ATG4B: variants seen among roughly 807,000 people sequenced by gnomAD.
ATG4B encodes the protein autophagy related 4B cysteine peptidase, also known as cysteine protease ATG4B.
Under a neutral mutation model 56.6 loss-of-function variants are expected in ATG4B, and 29 were observed. The ratio of observed to expected loss-of-function variants is 0.51; its 90% CI spans 0.38 to 0.70. The LOEUF is 0.70. Among genes scored for constraint, ATG4B ranks in the 30% least tolerant of loss-of-function variants. The probability of loss-of-function intolerance (pLI) is 0.00; values close to 1 mark genes in which losing one functional copy is unlikely to be tolerated. For missense variants in ATG4B, 461 were observed against 515.5 expected (o/e 0.89, Z 1.02); for synonymous variants, 224 against 206.1 (o/e 1.09, Z -0.74).
At chr2:241,667,220 G>C (rs1031653130) in intron 8 of ATG4B, among the ~76,000 whole-genome samples, 1 of 152,142 alleles carries the variant, frequency 6.6e-6, no homozygotes, top group Non-Finnish European at 1.5e-5. Context: ...TTCGGAGGGT[G>C]GGTTGGCCTG....
chr2:241,663,109 C>T (rs534113896), intron 7 of ATG4B, among the ~76,000 whole-genome samples: 115 of 152,262 alleles, frequency 7.6e-4, no homozygotes, highest in African/African-American at 2.2e-3. Flanking sequence ...GGCACGCCCT[C>T]GTAATCCCAG....
intron 1 of ATG4B, among the ~76,000 whole-genome samples, chr2:241,640,443 G>A (rs886930503): frequency 6.6e-6 from 1 of 152,186 alleles, no homozygotes; most frequent in Admixed American, 6.5e-5. Context: ...CCTTGACCAT[G>A]TGTAATACAG....
Position 241,668,720 on chromosome 2 carries a change from G to T in ATG4B, c.957+35G>T. 6.5e-7 allele frequency: 1 copy of T among 1,545,106 alleles called. No homozygotes were observed. Among genetic ancestry groups the T allele is most frequent in the Non-Finnish European group, 8.7e-7 (1 of 1,149,674 alleles). ...GGCCACCTGAGCACACAGGCATTTG[G>T]TGCTGAATGCTGTTTGGGAATGACG... On this transcript the variant is annotated intron_variant, in intron 10 of 12. Transcript: ENST00000404914. The surrounding 1 kb of genome is among the most constrained non-coding windows in gnomAD (Gnocchi z 4.2).
chr2:241,660,828 G>A (rs2068568193), intron 7 of ATG4B, among the ~76,000 whole-genome samples: 1 of 152,158 alleles, frequency 6.6e-6, no homozygotes, highest in South Asian at 2.1e-4. Context: ...CCGTGTTTGG[G>A]GAAATCACTT....
Position 241,654,568 on chromosome 2 carries a change from G to C in ATG4B, c.306G>C (p.Lys102Asn). 1 of 1,599,248 alleles carries C rather than the reference G, an allele frequency of 6.3e-7. No individual in the cohort carries two copies. Among genetic ancestry groups the C allele is most frequent in the Non-Finnish European group, 8.5e-7 (1 of 1,172,918 alleles). Residue 102 changes from lysine to asparagine, a missense_variant, in exon 5 of 13, where the codon AAG becomes AAC. Lys to Asn is a moderately conservative substitution (Grantham distance 94). Transcript: ENST00000404914. The part of the protein sequence containing the change: ...LGRDWRWTQR[K>N]RQPDSYFSVL... ...TAGATTGGAGGTGGACACAAAGGAA[G>C]AGGCAGCCAGACAGCTACTTCAGCG...
intron 1 of ATG4B, 167 bp downstream of exon 1, chr2:241,637,891 G>C: frequency 1.8e-6 from 1 of 550,932 alleles, no homozygotes; most frequent in Non-Finnish European, 2.7e-6. Context: ...TTGGTGGGTG[G>C]TGGGCGGTGG....
chr2:241,671,625 G>T, intron 12 of ATG4B: 1 of 1,482,754 alleles, frequency 6.7e-7, no homozygotes, highest in Non-Finnish European at 9.0e-7. Context: ...CCCCACCAGC[G>T]CTGCCTGCCC....
chr2:241,665,640 C>T (rs553232940), intron 7 of ATG4B, among the ~76,000 whole-genome samples: 22 of 152,290 alleles, frequency 1.4e-4, no homozygotes, highest in African/African-American at 3.6e-4. Context: ...CTCTCCCATC[C>T]GGGGCCTGCA....
At chr2:241,652,877 G>C (rs1416020765) in intron 3 of ATG4B, among the ~76,000 whole-genome samples, 4 of 152,238 alleles carry the variant, frequency 2.6e-5, no homozygotes, top group African/African-American at 4.8e-5. Flanking sequence ...TCTCACCCTG[G>C]TGTGCAGCCA....
chr2:241,649,784 C>CTTTTTT (rs111624909), intron 1 of ATG4B, among the ~76,000 whole-genome samples: 41 of 137,484 alleles, frequency 3.0e-4, no homozygotes, highest in Non-Finnish European at 4.6e-4. Context: ...TTTTCTTTTT[C>CTTTTTT]TTTTTTTTTT....
Position 241,651,981 on chromosome 2 carries a change from G to T in ATG4B, c.184+646G>T. 1 of 1,303,830 alleles carries T rather than the reference G, an allele frequency of 7.7e-7. No individual in the cohort carries two copies. Among genetic ancestry groups the T allele is most frequent in the Non-Finnish European group, 1.0e-6 (1 of 988,676 alleles). The allele number at this position is 1,303,830 out of a possible 1,614,324, so 80.8% of individuals were successfully genotyped here. A position where few individuals can be genotyped will look rare whatever the true frequency, so the allele number is the denominator to read the frequency against. ...CGGAGAACTGAGGCCGGAGGTGAGG[G>T]CCGGGCTGGCGTCATGCTTCCTCAG... is the stretch of plus-strand genomic sequence containing the variant. On this transcript the variant is annotated intron_variant, in intron 3 of 12. Transcript: ENST00000404914. The surrounding 1 kb of genome is among the most constrained non-coding windows in gnomAD (Gnocchi z 4.1).
Position 241,653,485 on chromosome 2 carries a change from C to T in ATG4B, c.185-27C>T, listed in dbSNP as rs756246740. ...GCCTGTGGGGCCATCTGGCCATGAG[C>T]ACTTCTCTCTCTGTCTGCCACGACA... On this transcript the variant is annotated intron_variant, in intron 3 of 12. Transcript: ENST00000404914. 5.8e-6 allele frequency: 9 copies of T among 1,559,220 alleles called. No individual in the cohort carries two copies. In the Admixed American group the frequency reaches 5.8e-5, roughly 10 times the overall value.
At position 241,651,977 on chromosome 2, in the gene ATG4B, G is replaced by A; in HGVS notation, c.184+642G>A. 7.7e-7 allele frequency: 1 copy of A among 1,303,964 alleles called. No individual in the cohort carries two copies. The highest frequency in any genetic ancestry group is 1.0e-6 in the Non-Finnish European group (1 of 988,746). 80.8% of individuals were successfully genotyped at this position (1,303,964 alleles called of 1,614,324 possible). A position where few individuals can be genotyped will look rare whatever the true frequency, so the allele number is the denominator to read the frequency against. Reference sequence around the variant, plus strand: ...CCGGCGGAGAACTGAGGCCGGAGGTGAGGGCCGGGCTGGCGTCATGCTTCC... The same window carrying A: ...CCGGCGGAGAACTGAGGCCGGAGGTAAGGGCCGGGCTGGCGTCATGCTTCC... On this transcript the variant is annotated intron_variant, in intron 3 of 12. Transcript: ENST00000404914. This position sits in a 1 kb window ranked among gnomAD's most constrained non-coding sequence, Gnocchi z 4.1.
At chr2:241,637,892 T>TGGGGGGG (rs2125105725) in intron 1 of ATG4B, 168 bp downstream of exon 1, 1 of 149,724 alleles carries the variant, frequency 6.7e-6, no homozygotes, top group Non-Finnish European at 1.4e-5. Flanking sequence ...TGGTGGGTGG[T>TGGGGGGG]GGGCGGTGGG....
chr2:241,651,734 G>C lies in ATG4B; in HGVS notation c.184+399G>C, dbSNP rs1287482624. 4.4e-6 allele frequency: 2 copies of C among 449,804 alleles called. No individual in the cohort carries two copies. Among genetic ancestry groups the C allele is most frequent in the African/African-American group, 4.1e-5 (2 of 48,588 alleles). 27.9% of individuals were successfully genotyped at this position (449,804 alleles called of 1,614,324 possible). On this transcript the variant is annotated intron_variant, in intron 3 of 12. Coordinates refer to ENST00000404914, the MANE Select transcript of ATG4B (RefSeq NM_013325.5). The surrounding 1 kb of genome is among the most constrained non-coding windows in gnomAD (Gnocchi z 4.1). The stretch of plus-strand genomic sequence containing the variant: ...GTTCTGGGTCACAGCTGTACAATGT[G>C]TTTCTTACTTAGGTCCAGAATGTTT...
At position 241,645,215 on chromosome 2, in the gene ATG4B, C is replaced by T. The variant is rs1449845327; in HGVS notation, c.11-5795C>T. Reference sequence around the variant, plus strand: ...GGCCCCTAGAGTACAGGGAAGACCTCCTCATAACTGAAGAGATGCGAGTCT... The same window carrying T: ...GGCCCCTAGAGTACAGGGAAGACCTTCTCATAACTGAAGAGATGCGAGTCT... On this transcript the variant is annotated intron_variant, in intron 1 of 12. Coordinates refer to ENST00000404914, the MANE Select transcript of ATG4B (RefSeq NM_013325.5). 3.3e-5 allele frequency among the ~76,000 whole-genome samples: 5 copies of T among 152,274 alleles called. No homozygotes were observed. In the East Asian group the frequency reaches 7.7e-4, roughly 24 times the overall value.
rs1351968902 is a variant in ATG4B at position 241,639,183 on chromosome 2, G to A, written c.10+1459G>A. Among the ~76,000 whole-genome samples the A allele has an allele frequency of 3.9e-5, 6 of 152,228 alleles. No homozygotes were observed. The South Asian group carries it at 1.0e-3, about 26-fold the overall frequency. ...GTTTCAAGCGCAGGCACCAGAGTGG[G>A]CTCTGCAGAGCTTACAGCTAGACAT... On this transcript the variant is annotated intron_variant, in intron 1 of 12. Transcript: ENST00000404914.
At chr2:241,656,277 G>A (rs1008956753) in intron 6 of ATG4B, among the ~76,000 whole-genome samples, 10 of 152,054 alleles carry the variant, frequency 6.6e-5, no homozygotes, top group Admixed American at 2.0e-4. Flanking sequence ...GCACAAGTCC[G>A]TCTCTGCCAC....
At chr2:241,653,342 G>A in intron 3 of ATG4B, 170 bp from the exon 4 acceptor site, 1 of 1,549,820 alleles carries the variant, frequency 6.5e-7, no homozygotes. Flanking sequence ...CAGTAAATGT[G>A]GCCCTTGGCG....
Sources: gnomAD v4.1 joint callset for allele counts (sites outside exome capture counted in the v4.1 genomes callset) on GRCh38, gnomAD v4.1.1 for gene constraint, Gnocchi (gnomAD v3.1) non-coding constraint, MANE v1.5 for transcripts, NCBI Gene and HGNC (gene_info 2026-07-23, HGNC 2026-07-21) for gene names.